GALNT13: variants seen among roughly 807,000 people sequenced by gnomAD.
GALNT13 encodes UDP-GalNAc:polypeptide N-acetylgalactosaminyltransferase 13.
GALNT13 carries 28 observed loss-of-function variants against 64.2 expected under a neutral mutation model. The observed-to-expected ratio is 0.44, with a 90% CI of 0.32 to 0.60. The LOEUF is 0.60. Ranked by LOEUF, GALNT13 falls within the 20% of genes least tolerant of loss-of-function variation. GALNT13 has a pLI of 0.05. For missense variants in GALNT13, 577 were observed against 669.8 expected (o/e 0.86, Z 1.53); for synonymous variants, 214 against 224.6 (o/e 0.95, Z 0.42).
At chr2:154,148,042 A>G (rs1433116920) in intron 4 of GALNT13, among the ~76,000 whole-genome samples, 2 of 151,996 alleles carry the variant, frequency 1.3e-5, no homozygotes, top group African/African-American at 4.8e-5. Context: ...AACGTTAGGT[A>G]TATCTCCTAA....
chr2:153,911,438 G>T (rs1349506908), intron 2 of GALNT13, among the ~76,000 whole-genome samples: 1 of 152,040 alleles, frequency 6.6e-6, no homozygotes, highest in Admixed American at 6.6e-5. Flanking sequence ...GTGTGGATTT[G>T]ACCCTGTCGC....
At chr2:153,131,605 T>A in the GALNT13 span, among the ~76,000 whole-genome samples, 1 of 152,168 alleles carries the variant, frequency 6.6e-6, no homozygotes, top group African/African-American at 2.4e-5. Flanking sequence ...GCACCACCCA[T>A]ATCCCAGGTC....
At chr2:153,461,435 C>T in the GALNT13 span, among the ~76,000 whole-genome samples, 5 of 152,130 alleles carry the variant, frequency 3.3e-5, no homozygotes, top group South Asian at 8.3e-4. Flanking sequence ...CTTCAGCCAT[C>T]CTGGGTCAAA....
the GALNT13 span, among the ~76,000 whole-genome samples, chr2:153,544,649 G>A: frequency 6.6e-6 from 1 of 152,200 alleles, no homozygotes; most frequent in East Asian, 1.9e-4. Flanking sequence ...CCATGATTCA[G>A]GTAAGATTTC....
chr2:153,205,272 G>T, the GALNT13 span, among the ~76,000 whole-genome samples: 1 of 149,392 alleles, frequency 6.7e-6, no homozygotes, highest in African/African-American at 2.5e-5. Context: ...TTGGCAGTCT[G>T]CTTTTCACTG....
the GALNT13 span, among the ~76,000 whole-genome samples, chr2:153,651,351 G>C: frequency 6.6e-6 from 1 of 152,142 alleles, no homozygotes; most frequent in East Asian, 1.9e-4. Context: ...GAAGAAGGCA[G>C]AAGCCAGGGT....
chr2:154,020,596 A>T (rs967216685), intron 3 of GALNT13, among the ~76,000 whole-genome samples: 5 of 152,044 alleles, frequency 3.3e-5, no homozygotes, highest in African/African-American at 4.8e-5. Flanking sequence ...GATTCTGGAT[A>T]TCAGCCCTTT....
intron 3 of GALNT13, among the ~76,000 whole-genome samples, chr2:153,965,078 A>G (rs1015139417): frequency 2.6e-5 from 4 of 152,128 alleles, no homozygotes; most frequent in African/African-American, 7.2e-5. Context: ...AAGGATACAT[A>G]ACAGTTTTAC....
the GALNT13 span, among the ~76,000 whole-genome samples, chr2:153,605,937 G>T: frequency 6.6e-6 from 1 of 152,046 alleles, no homozygotes; most frequent in African/African-American, 2.4e-5. Flanking sequence ...GGCAGGGAGG[G>T]TCTGTGAGAT....
intron 4 of GALNT13, among the ~76,000 whole-genome samples, chr2:154,209,935 C>T (rs1429109507): frequency 2.6e-5 from 4 of 152,146 alleles, no homozygotes; most frequent in Non-Finnish European, 4.4e-5. Context: ...TGCTGTGCAA[C>T]AGATCTCACA....
chr2:153,573,077 C>T, the GALNT13 span, among the ~76,000 whole-genome samples: 10 of 151,902 alleles, frequency 6.6e-5, no homozygotes, highest in Non-Finnish European at 1.3e-4. Context: ...TGGTTTATAT[C>T]TCTCTTAAGC....
chr2:153,869,360 T>C (rs1685812711), upstream of GALNT13, among the ~76,000 whole-genome samples: 8 of 152,216 alleles, frequency 5.3e-5, no homozygotes. Flanking sequence ...TCTCCAATTC[T>C]GGATTACACA....
chr2:154,147,448 G>A (rs1683682154), intron 4 of GALNT13, among the ~76,000 whole-genome samples: 1 of 150,508 alleles, frequency 6.6e-6, no homozygotes, highest in Admixed American at 6.7e-5. Context: ...ATTGTATCAA[G>A]GCATGATGAA....
chr2:153,818,041 C>A, the GALNT13 span, among the ~76,000 whole-genome samples: 1 of 152,030 alleles, frequency 6.6e-6, no homozygotes, highest in Non-Finnish European at 1.5e-5. Context: ...AGTGACAGGA[C>A]CCACAGAGAA....
intron 3 of GALNT13, among the ~76,000 whole-genome samples, chr2:153,994,947 T>G (rs569176953): frequency 6.6e-6 from 1 of 152,182 alleles, no homozygotes; most frequent in African/African-American, 2.4e-5. Flanking sequence ...TAAACTATTT[T>G]AGAGTTGATC....
At chr2:153,422,834 T>G in the GALNT13 span, among the ~76,000 whole-genome samples, 2 of 151,940 alleles carry the variant, frequency 1.3e-5, no homozygotes, top group Non-Finnish European at 2.9e-5. Context: ...TAAGCATTGG[T>G]GGAAAACACA....
intron 8 of GALNT13, among the ~76,000 whole-genome samples, chr2:154,274,123 G>A (rs1009569819): frequency 6.6e-6 from 1 of 151,848 alleles, no homozygotes; most frequent in Non-Finnish European, 1.5e-5. Flanking sequence ...ACCTAAACCT[G>A]CAATAGACCC....
At chr2:153,829,970 T>C in the GALNT13 span, among the ~76,000 whole-genome samples, 40 of 152,316 alleles carry the variant, frequency 2.6e-4, no homozygotes, top group Admixed American at 1.4e-3. Context: ...GTTCTGAGTA[T>C]ATATTTCCTT....
intron 11 of GALNT13, among the ~76,000 whole-genome samples, chr2:154,438,262 C>T (rs1257596434): frequency 6.6e-6 from 1 of 152,178 alleles, no homozygotes; most frequent in Non-Finnish European, 1.5e-5. Flanking sequence ...GAGCTCCATG[C>T]AGTTTGTAAA....
Sources: allele counts gnomAD v4.1 joint callset (sites outside exome capture counted in the v4.1 genomes callset), GRCh38; gene constraint gnomAD v4.1.1; transcripts MANE v1.5; gene names NCBI Gene and HGNC (gene_info 2026-07-23, HGNC 2026-07-21).